ZNF581: variants seen among roughly 807,000 people sequenced by gnomAD.
The protein encoded by ZNF581 is zinc finger protein 581.
ZNF581 carries 1 observed loss-of-function variant against 1.2 expected under a neutral mutation model. The observed-to-expected ratio is 0.83, with a 90% confidence interval of 0.30 to 3.95. The LOEUF (loss-of-function observed/expected upper bound fraction) is 3.95, where lower values mean the gene tolerates loss of function less well. ZNF581 is among the 30% of genes most tolerant of loss of function. The pLI is 0.18. For synonymous variants in ZNF581, 105 were observed against 109.2 expected (o/e 0.96, Z 0.24); for missense variants, 273 against 274.6 (o/e 0.99, Z 0.04).
At chr19:55,641,988 A>G (rs544936558), upstream of ZNF581, 1 of 922,202 alleles carries the variant, frequency 1.1e-6, no homozygotes, top group African/African-American at 2.3e-5. Context: ...TGTAGTGGGG[A>G]CGGAGGGCCA....
At chr19:55,642,640 G>T (rs765100473), upstream of ZNF581, 40 of 1,438,470 alleles carry the variant, frequency 2.8e-5, no homozygotes, top group East Asian at 2.3e-4. Context: ...CGGCGGCGGG[G>T]CCCCGACCCC....
chr19:55,642,415 T>G, upstream of ZNF581: 1 of 1,375,274 alleles, frequency 7.3e-7, no homozygotes, highest in South Asian at 1.9e-5. Flanking sequence ...CAAGCAGTGA[T>G]AGTGGGGATG....
At chr19:55,636,137 A>G (rs940462954), upstream of ZNF581, among the ~76,000 whole-genome samples, 1 of 152,112 alleles carries the variant, frequency 6.6e-6, no homozygotes, top group Non-Finnish European at 1.5e-5. Context: ...GGCCGGGAGA[A>G]TGTTATGCAT....
At chr19:55,642,599 A>G, upstream of ZNF581, 1 of 1,396,150 alleles carries the variant, frequency 7.2e-7, no homozygotes, top group Non-Finnish European at 9.3e-7. Context: ...CCCTTTCCCC[A>G]AGGCGGAAGG....
intron 1 of ZNF581, chr19:55,635,794 A>G (rs1982057509): frequency 2.3e-6 from 2 of 885,876 alleles, no homozygotes; most frequent in Non-Finnish European, 2.7e-6. Context: ...GGGTTATACT[A>G]TAGGGAGGAT....
At chr19:55,639,542 A>G (rs1010347716), upstream of ZNF581, among the ~76,000 whole-genome samples, 3 of 152,226 alleles carry the variant, frequency 2.0e-5, no homozygotes, top group African/African-American at 7.2e-5. Flanking sequence ...TTGGGCCTCC[A>G]GTTTACAACT....
At chr19:55,636,026 G>A (rs1982070991) in intron 1 of ZNF581, among the ~76,000 whole-genome samples, 3 of 152,190 alleles carry the variant, frequency 2.0e-5, no homozygotes, top group Non-Finnish European at 4.4e-5. Context: ...TGTGCTTGGA[G>A]CACAGGAATG....
chr19:55,642,546 C>G, upstream of ZNF581: 1 of 1,449,806 alleles, frequency 6.9e-7, no homozygotes, highest in East Asian at 2.7e-5. Context: ...CACCCTCGGT[C>G]CTCCTCTCCG....
In ZNF581 at chr19:55,645,351, T is replaced by C; in HGVS notation, c.*186T>C. The C allele has an allele frequency of 5.9e-6, 3 of 512,494 alleles. No homozygotes were observed. Among genetic ancestry groups the C allele is most frequent in the Non-Finnish European group, 1.0e-5 (3 of 290,274 alleles). The allele number at this position is 512,494 out of a possible 1,614,324, so 31.7% of individuals were successfully genotyped here. ...TGAGTAATCTTCAGGTCCTCCGTGT[T>C]CTGGAGCTGAGATGGGAATGAGCCC... On this transcript the variant is annotated 3_prime_UTR_variant, in exon 2 of 2. Transcript: ENST00000270451.
chr19:55,642,196 G>A (rs536935064), upstream of ZNF581: 16 of 1,149,716 alleles, frequency 1.4e-5, no homozygotes, highest in Admixed American at 4.7e-5. Flanking sequence ...GTTGAGAGGA[G>A]AAAAGGGAAG....
At chr19:55,639,420 C>A (rs772685317), upstream of ZNF581, among the ~76,000 whole-genome samples, 1 of 152,162 alleles carries the variant, frequency 6.6e-6, no homozygotes, top group African/African-American at 2.4e-5. Context: ...TGCACTCCAG[C>A]GTGGGCGACA....
chr19:55,638,432 T>C (rs1265572337), upstream of ZNF581, among the ~76,000 whole-genome samples: 2 of 152,072 alleles, frequency 1.3e-5, no homozygotes, highest in Admixed American at 1.3e-4. Context: ...AGAGACCAGG[T>C]TACACCGTGT....
chr19:55,645,081 A>G lies in ZNF581; in HGVS notation c.510A>G (p.Glu170=), dbSNP rs11084406. ...LAQHSRVHSG[E]RPFQCPHCPR... is the part of the protein sequence containing the mutation. ...AGCACAGCCGGGTGCACTCTGGGGA[A>G]CGCCCGTTTCAGTGTCCACACTGCC... Residue 170 remains glutamate, a synonymous_variant, in exon 2 of 2, where the codon GAA becomes GAG. Transcript: ENST00000270451. 0.13 allele frequency: 197,320 copies of G among 1,557,708 alleles called. 13,997 individuals are homozygous for G. Among genetic ancestry groups the G allele is most frequent in the Middle Eastern group, 0.16 (925 of 5,786 alleles).
In ZNF581 at chr19:55,644,628, C is replaced by G; in HGVS notation, c.57C>G (p.Thr19=). The change falls in exon 2 of 2, where the codon ACC becomes ACG. Residue 19 remains threonine, a synonymous_variant. Coordinates refer to ENST00000270451, the MANE Select transcript of ZNF581 (RefSeq NM_016535.4). This position sits in a 1 kb window ranked among gnomAD's most constrained non-coding sequence, Gnocchi z 4.3. The stretch of plus-strand genomic sequence containing the variant: ...CTCTGGCATTTTCCTCCGTTGAGAC[C>G]ATGGAGGGCCCTCCCCGTCGGACTT... The part of the protein sequence containing the change: ...PQPLAFSSVE[T]MEGPPRRTCR... The G allele has an allele frequency of 6.2e-7, 1 of 1,610,228 alleles. No individual in the cohort carries two copies. The highest frequency in any genetic ancestry group is 8.5e-7 in the Non-Finnish European group (1 of 1,178,278).
upstream of ZNF581, chr19:55,640,626 C>G: frequency 2.0e-6 from 2 of 985,444 alleles, no homozygotes; most frequent in Non-Finnish European, 2.4e-6. Flanking sequence ...ACATCGGAGC[C>G]AATGGCTGGT....
upstream of ZNF581, chr19:55,642,722 G>C (rs1600047030): frequency 4.6e-6 from 7 of 1,507,924 alleles, no homozygotes; most frequent in South Asian, 1.2e-5. Context: ...GCTGGAGGAG[G>C]AGCCCCGGGG....
At chr19:55,637,417 A>T (rs531364438), upstream of ZNF581, among the ~76,000 whole-genome samples, 125 of 152,192 alleles carry the variant, frequency 8.2e-4, no homozygotes, top group African/African-American at 2.9e-3. Context: ...CGCGCCTGTA[A>T]TCCCAGCTAC....
upstream of ZNF581, chr19:55,643,117 G>T (rs1288358295): frequency 1.0e-5 from 13 of 1,303,482 alleles, no homozygotes; most frequent in Non-Finnish European, 1.3e-5. Flanking sequence ...ACACCCCCTG[G>T]CTCTGCTGAG....
upstream of ZNF581, chr19:55,641,208 G>A (rs1022530924): frequency 8.1e-6 from 8 of 984,354 alleles, no homozygotes; most frequent in African/African-American, 7.0e-5. Flanking sequence ...ATGGAGGGAG[G>A]AGCCTGGCCC....
Sources: allele counts gnomAD v4.1 joint callset (sites outside exome capture counted in the v4.1 genomes callset), GRCh38; gene constraint gnomAD v4.1.1; non-coding constraint Gnocchi (gnomAD v3.1); transcripts MANE v1.5; gene names NCBI Gene and HGNC (gene_info 2026-07-23, HGNC 2026-07-21).